SELENOW: variants seen among roughly 807,000 people sequenced by gnomAD.
SELENOW encodes the protein selenoprotein W, 1.
SELENOW carries 20 observed loss-of-function variants against 16.6 expected under a neutral mutation model. The ratio of observed to expected loss-of-function variants is 1.21; its 90% CI spans 0.85 to 1.76. The LOEUF (loss-of-function observed/expected upper bound fraction) is 1.76, where lower values mean the gene tolerates loss of function less well. Among genes scored for constraint, SELENOW ranks in the 40% most tolerant of loss-of-function variants. The probability of loss-of-function intolerance (pLI) is 0.00; values close to 1 mark genes in which losing one functional copy is unlikely to be tolerated. For synonymous variants in SELENOW, 44 were observed against 46.2 expected (o/e 0.95, Z 0.19); for missense variants, 124 against 111.0 (o/e 1.12, Z -0.53).
intron 1 of SELENOW, 30 bp downstream of exon 1, chr19:47,778,844 C>T (rs1379395898): frequency 6.3e-7 from 1 of 1,589,774 alleles, no homozygotes; most frequent in Non-Finnish European, 8.6e-7. Flanking sequence ...GCCCCCGTCC[C>T]CGACCCCCGC....
At chr19:47,781,207 T>A in intron 4 of SELENOW, 25 bp downstream of exon 4, 1 of 1,611,404 alleles carries the variant, frequency 6.2e-7, no homozygotes, top group South Asian at 1.1e-5. Context: ...CCGTCCTGCC[T>A]GGTTTTGGGG....
intron 5 of SELENOW, chr19:47,782,982 A>C (rs1967493148): frequency 6.6e-6 from 1 of 152,152 alleles, no homozygotes. Context: ...CGTGAAACCC[A>C]ACCCATTCTA....
intron 3 of SELENOW, 95 bp downstream of exon 3, chr19:47,781,012 G>T (rs765168574): frequency 1.9e-6 from 3 of 1,546,276 alleles, no homozygotes; most frequent in African/African-American, 1.4e-5. Context: ...TCAGCCCTAC[G>T]CCCTTCACCC....
chr19:47,779,110 G>C (rs943353150), intron 1 of SELENOW: 16 of 471,724 alleles, frequency 3.4e-5, no homozygotes, highest in Non-Finnish European at 5.3e-5. Context: ...GAAGGGGCTG[G>C]GGGTCAGCTT....
At chr19:47,780,425 C>T (rs1051426323) in intron 1 of SELENOW, 2 of 499,080 alleles carry the variant, frequency 4.0e-6, no homozygotes, top group African/African-American at 3.9e-5. Context: ...CTCCTTGTCT[C>T]CTCTCTCCCC....
chr19:47,782,677 A>T (rs1457975485), intron 5 of SELENOW: 1 of 151,964 alleles, frequency 6.6e-6, no homozygotes, highest in Admixed American at 6.6e-5. Context: ...AGTAGCTGGG[A>T]TTACAGGCAC....
chr19:47,780,850 C>T lies in SELENOW; in HGVS notation c.55-14C>T, dbSNP rs748752428. 1 of 1,612,340 alleles carries T rather than the reference C, an allele frequency of 6.2e-7. No homozygotes were observed. The highest frequency in any genetic ancestry group is 1.1e-5 in the South Asian group (1 of 90,806). ...TGGTATGACCCCTGCTGTGACCTCT[C>T]ACCGCGTTTTCAGTATCTTCAGCTC... On this transcript the variant is annotated splice_polypyrimidine_tract_variant and intron_variant, in intron 2 of 5. Coordinates refer to ENST00000601048, the MANE Select transcript of SELENOW (RefSeq NM_003009.4).
At position 47,781,286 on chromosome 19, in the gene SELENOW, C is replaced by G. The variant is rs755705738; in HGVS notation, c.184-4C>G. 6.2e-7 allele frequency: 1 copy of G among 1,613,172 alleles called. No individual in the cohort carries two copies. The highest frequency in any genetic ancestry group is 8.5e-7 in the Non-Finnish European group (1 of 1,179,190). ...CACCCCTTCCCTCTTCCTCCCCTCCCTAGAAAGGCGATGGCTACGTGGACA... is the reference window on the plus strand; with the variant it reads ...CACCCCTTCCCTCTTCCTCCCCTCCGTAGAAAGGCGATGGCTACGTGGACA... On this transcript the variant is annotated splice_region_variant and splice_polypyrimidine_tract_variant and intron_variant, in intron 4 of 5. Transcript: ENST00000601048.
Position 47,780,590 on chromosome 19 carries a change from C to T in SELENOW, c.30-135C>T, listed in dbSNP as rs1294607425. The T allele has an allele frequency of 3.7e-5, 26 of 709,874 alleles. No individual in the cohort carries two copies. In the East Asian group the frequency reaches 6.6e-4, roughly 18 times the overall value. 44.0% of individuals were successfully genotyped at this position (709,874 alleles called of 1,614,324 possible). The stretch of plus-strand genomic sequence containing the variant: ...GCATCTGTCACCTCTTCTGCTTGGT[C>T]ATCTGTGTTCCTCTTTATTTCTTCC... On this transcript the variant is annotated intron_variant, in intron 1 of 5. Transcript: ENST00000601048.
At position 47,778,751 on chromosome 19, in the gene SELENOW, C is replaced by G. The variant is rs372552648; in HGVS notation, c.-35C>G. 1.6e-3 allele frequency: 2,598 copies of G among 1,592,738 alleles called. 9 individuals are homozygous for G. The highest frequency in any genetic ancestry group is 6.0e-3 in the Middle Eastern group (36 of 5,980). On this transcript the variant is annotated 5_prime_UTR_variant, in exon 1 of 6. Coordinates refer to ENST00000601048, the MANE Select transcript of SELENOW (RefSeq NM_003009.4). ...AGGTGGGAGGTTAGTGTGGCCCGGG[C>G]GTCCGCTCCTCAGCGGATGTGGCAG...
chr19:47,783,248 T>G (rs1269130644), intron 5 of SELENOW: 2 of 151,972 alleles, frequency 1.3e-5, no homozygotes, highest in Admixed American at 6.6e-5. Context: ...TCGCCCAGGC[T>G]GGAGTGCAGT....
chr19:47,783,871 G>C (rs1432716616), intron 5 of SELENOW: 2 of 152,124 alleles, frequency 1.3e-5, no homozygotes, highest in African/African-American at 4.8e-5. Flanking sequence ...GTTGAGCGTG[G>C]GGTGGGGTGC....
intron 4 of SELENOW, 36 bp from the exon 5 acceptor site, chr19:47,781,254 C>G: frequency 6.2e-7 from 1 of 1,601,112 alleles, no homozygotes; most frequent in African/African-American, 1.3e-5. Flanking sequence ...GTGTCTCGGT[C>G]CCAGCTCACC....
At chr19:47,780,629 C>A in intron 1 of SELENOW, 96 bp from the exon 2 acceptor site, 2 of 1,036,896 alleles carry the variant, frequency 1.9e-6, no homozygotes, top group Non-Finnish European at 1.5e-6. Flanking sequence ...CCCCATCTTG[C>A]TCTCTCCCCA....
At chr19:47,780,800 G>T in intron 2 of SELENOW, 51 bp downstream of exon 2, 1 of 1,598,124 alleles carries the variant, frequency 6.3e-7, no homozygotes, top group Non-Finnish European at 8.5e-7. Context: ...GGGAGGGGTA[G>T]AGTGCATATT....
At chr19:47,781,028 C>G in intron 3 of SELENOW, 80 bp from the exon 4 acceptor site, 1 of 1,553,644 alleles carries the variant, frequency 6.4e-7, no homozygotes, top group Non-Finnish European at 8.9e-7. Flanking sequence ...CACCCATGTT[C>G]TCATCCCCCT....
At position 47,781,332 on chromosome 19, in the gene SELENOW, TTGG is replaced by T. The variant is rs1268889546; in HGVS notation, c.230_232del (p.Val77del). 1.2e-6 allele frequency: 2 copies of T among 1,612,332 alleles called. No individual in the cohort carries two copies. Among genetic ancestry groups the T allele is most frequent in the African/African-American group, 1.3e-5 (1 of 75,018 alleles). On this transcript the variant is annotated inframe_deletion, in exon 5 of 6. Coordinates refer to ENST00000601048, the MANE Select transcript of SELENOW (RefSeq NM_003009.4). ...GGACACAGAAAGCAAGTTTCTGAAG[TTGG>T]TGGCCGCCATCAAAGCCGCCTTGGC...
At chr19:47,781,524 G>A in intron 5 of SELENOW, 136 bp downstream of exon 5, 1 of 625,978 alleles carries the variant, frequency 1.6e-6, no homozygotes, top group Non-Finnish European at 2.9e-6. Flanking sequence ...GCGGGATAAA[G>A]TTAGACCCGG....
At chr19:47,783,491 C>CCA in intron 5 of SELENOW, 1 of 152,404 alleles carries the variant, frequency 6.6e-6, no homozygotes, top group Non-Finnish European at 1.5e-5. Flanking sequence ...GCGTGAGCCA[C>CCA]TGCGCCTGGC....
Sources: gnomAD v4.1 joint callset for allele counts on GRCh38, gnomAD v4.1.1 for gene constraint, MANE v1.5 for transcripts, NCBI Gene and HGNC (gene_info 2026-07-23, HGNC 2026-07-21) for gene names.